Variants in MGAM2 observed in about 807,000 individuals in gnomAD.
MGAM2 encodes probable maltase-glucoamylase 2.
In MGAM2, 98 loss-of-function variants were observed where a neutral mutation model predicts 96.1. That is an observed-to-expected ratio of 1.02 (90% CI 0.87 to 1.21). MGAM2 has a LOEUF of 1.21. MGAM2 is among the 50% of genes most tolerant of loss of function. The probability of loss-of-function intolerance (pLI) is 0.00; values close to 1 mark genes in which losing one functional copy is unlikely to be tolerated. For missense variants in MGAM2, 2,055 were observed against 1,182.4 expected (o/e 1.74, Z -10.82); for synonymous variants, 749 against 414.8 (o/e 1.81, Z -9.79).
At chr7:142,117,117 G>A in intron 2 of MGAM2, 138 bp downstream of exon 2, 1 of 626,118 alleles carries the variant, frequency 1.6e-6, no homozygotes. Flanking sequence ...ATTAGTTTAA[G>A]TTCAACTCCA....
At chr7:142,211,744 T>A (rs28815900) in intron 46 of MGAM2, among the ~76,000 whole-genome samples, 1 of 152,022 alleles carries the variant, frequency 6.6e-6, no homozygotes, top group Non-Finnish European at 1.5e-5. Context: ...ACGAGGAGAA[T>A]GGAACCAAGT....
At chr7:142,145,748 G>C (rs1005673590) in intron 14 of MGAM2, among the ~76,000 whole-genome samples, 1 of 151,256 alleles carries the variant, frequency 6.6e-6, no homozygotes. Context: ...GGCTTCCTGG[G>C]TGAGGGAGAG....
intron 45 of MGAM2, 75 bp downstream of exon 45, chr7:142,200,043 C>T: frequency 1.8e-6 from 1 of 554,768 alleles, no homozygotes; most frequent in Non-Finnish European, 3.2e-6. Flanking sequence ...ATATAACTAA[C>T]ATGAACTGAA....
chr7:142,207,878 A>C (rs1037227293), intron 45 of MGAM2, among the ~76,000 whole-genome samples: 1 of 152,186 alleles, frequency 6.6e-6, no homozygotes, highest in Non-Finnish European at 1.5e-5. Flanking sequence ...ATAGGGAAGA[A>C]TCGATGGAAT....
chr7:142,115,822 C>G (rs942601516), intron 1 of MGAM2, among the ~76,000 whole-genome samples: 1 of 152,002 alleles, frequency 6.6e-6, no homozygotes, highest in Admixed American at 6.6e-5. Flanking sequence ...TCCAGCTGGG[C>G]AACAAGAGTG....
intron 33 of MGAM2, among the ~76,000 whole-genome samples, chr7:142,184,600 A>T (rs1796639896): frequency 6.6e-6 from 1 of 152,240 alleles, no homozygotes; most frequent in African/African-American, 2.4e-5. Flanking sequence ...TGGTAGTTAC[A>T]GCTAAAATTA....
At position 142,196,783 on chromosome 7, in the gene MGAM2, A is replaced by G. The variant is rs1797055354; in HGVS notation, c.4599A>G (p.Pro1533=). Residue 1533 remains proline, a synonymous_variant, in exon 40 of 48, where the codon CCA becomes CCG. Coordinates refer to ENST00000477922, the MANE Select transcript of MGAM2 (RefSeq NM_001293626.2). The part of the protein sequence containing the change: ...VRWMQLGAFY[P]FSRNHNNIGT... ...GGATGCAACTGGGGGCATTTTATCCATTTTCCAGAAACCACAACAACATCG... is the reference window on the plus strand; with the variant it reads ...GGATGCAACTGGGGGCATTTTATCCGTTTTCCAGAAACCACAACAACATCG... 2.6e-6 allele frequency: 2 copies of G among 784,240 alleles called. No homozygotes were observed. The highest frequency in any genetic ancestry group is 1.7e-5 in the African/African-American group (1 of 59,298). 48.6% of individuals were successfully genotyped at this position (784,240 alleles called of 1,614,324 possible).
chr7:142,214,594 G>T (rs547805825), intron 46 of MGAM2, among the ~76,000 whole-genome samples: 2 of 152,238 alleles, frequency 1.3e-5, no homozygotes, highest in South Asian at 4.2e-4. Flanking sequence ...AACTTACAAG[G>T]GATGTGAAGG....
Position 142,132,052 on chromosome 7 carries a change from T to A in MGAM2, c.542T>A (p.Ile181Asn), listed in dbSNP as rs1794905710. 7 of 703,014 alleles carry A rather than the reference T, an allele frequency of 1.0e-5. No homozygotes were observed. Among genetic ancestry groups the A allele is most frequent in the African/African-American group, 1.7e-5 (1 of 57,214 alleles). The allele number at this position is 703,014 out of a possible 1,614,324, so 43.5% of individuals were successfully genotyped here. The change falls in exon 6 of 48, where the codon ATC becomes AAC. Residue 181 changes from isoleucine (I) to asparagine (N), a missense_variant. By Grantham distance (149) the Ile-to-Asn change is moderately radical. Coordinates refer to ENST00000477922, the MANE Select transcript of MGAM2 (RefSeq NM_001293626.2). ...GAGGTTACTGATAAACCTTTCAGCA[T>A]CAAAATAATGAGGACAAGCAACAGA... ...YVEVTDKPFS[I>N]KIMRTSNRRV...
At position 142,131,442 on chromosome 7, in the gene MGAM2, A is replaced by AT. The variant is rs1794885548; in HGVS notation, c.311-76_311-75insT. The AT allele has an allele frequency of 1.9e-5, 13 of 670,036 alleles. No individual in the cohort carries two copies. In the South Asian group the frequency reaches 2.1e-4, roughly 11 times the overall value. The allele number at this position is 670,036 out of a possible 1,614,324, so 41.5% of individuals were successfully genotyped here. On this transcript the variant is annotated intron_variant, in intron 4 of 47. Transcript: ENST00000477922. ...ACAGGGCAAGACTCCATCTCAAAAC[A>AT]AAAACAAAAACAAAACAAAACCAAA... is the stretch of plus-strand genomic sequence containing the variant.
At chr7:142,176,108 A>AAAAAGT (rs1554509686) in intron 32 of MGAM2, among the ~76,000 whole-genome samples, 1 of 114,852 alleles carries the variant, frequency 8.7e-6, no homozygotes. Context: ...AAAAAAAAAA[A>AAAAAGT]GGGGGGGGCA....
intron 2 of MGAM2, among the ~76,000 whole-genome samples, chr7:142,118,142 T>C (rs1197793241): frequency 6.6e-6 from 1 of 152,182 alleles, no homozygotes; most frequent in African/African-American, 2.4e-5. Context: ...ACTGAAATGT[T>C]ATACTGGGGA....
intron 13 of MGAM2, 42 bp downstream of exon 13, chr7:142,143,924 T>C: frequency 1.4e-6 from 1 of 699,442 alleles, no homozygotes; most frequent in Non-Finnish European, 2.6e-6. Flanking sequence ...TGGAAACAGA[T>C]AACGCCAAAT....
chr7:142,171,428 T>A lies in MGAM2; in HGVS notation c.3339T>A (p.Asp1113Glu). ...NWNTWGMFAH[D>E]EPPAYKKNSY... ...ACACATGGGGAATGTTTGCTCATGA[T>A]GAGCCACCTGCGGTAGGGACAAAGG... Residue 1113 changes from aspartate to glutamate, a missense_variant, in exon 28 of 48, where the codon GAT (aspartate) becomes GAA (glutamate). Asp to Glu is a conservative substitution (Grantham distance 45). Transcript: ENST00000477922. The A allele has an allele frequency of 2.8e-6, 2 of 703,088 alleles. No individual in the cohort carries two copies. The highest frequency in any genetic ancestry group is 5.2e-6 in the Non-Finnish European group (2 of 384,868). The allele number at this position is 703,088 out of a possible 1,614,324, so 43.6% of individuals were successfully genotyped here.
Position 142,131,987 on chromosome 7 carries a change from T to G in MGAM2, c.477T>G (p.Val159=). 1.4e-6 allele frequency: 1 copy of G among 703,028 alleles called. No homozygotes were observed. The highest frequency in any genetic ancestry group is 2.6e-6 in the Non-Finnish European group (1 of 385,004). The allele number at this position is 703,028 out of a possible 1,614,324, so 43.5% of individuals were successfully genotyped here. ...YEVSHENINL[V]DGIADASNLS... ...TTTCCCATGAAAATATTAACCTGGT[T>G]GATGGGATTGCTGATGCCTCCAATT... Residue 159 remains valine (V), a synonymous_variant, in exon 6 of 48, where the codon GTT becomes GTG. Coordinates refer to ENST00000477922, the MANE Select transcript of MGAM2 (RefSeq NM_001293626.2).
In MGAM2 at chr7:142,197,433, G is replaced by A. The variant is rs1475314662; in HGVS notation, c.4666G>A (p.Glu1556Lys). The change falls in exon 41 of 48, where the codon GAG becomes AAG. Residue 1556 changes from glutamate (E) to lysine (K), a missense_variant. Coordinates refer to ENST00000477922, the MANE Select transcript of MGAM2 (RefSeq NM_001293626.2). The part of the protein sequence containing the change: ...QDPVAWNSTF[E>K]MLSRKVLETR... ...TCCTGTGGCCTGGAATTCAACCTTTGAGATGTTGTCCAGAAAAGTCCTAGA... is the reference window on the plus strand; with the variant it reads ...TCCTGTGGCCTGGAATTCAACCTTTAAGATGTTGTCCAGAAAAGTCCTAGA... 1 of 702,946 alleles carries A rather than the reference G, an allele frequency of 1.4e-6. No homozygotes were observed. The highest frequency in any genetic ancestry group is 2.6e-6 in the Non-Finnish European group (1 of 385,000). The allele number at this position is 702,946 out of a possible 1,614,324, so 43.5% of individuals were successfully genotyped here. A position where few individuals can be genotyped will look rare whatever the true frequency, so the allele number is the denominator to read the frequency against.
At chr7:142,180,931 T>C (rs934260548) in intron 32 of MGAM2, among the ~76,000 whole-genome samples, 2 of 152,186 alleles carry the variant, frequency 1.3e-5, no homozygotes, top group Non-Finnish European at 2.9e-5. Context: ...TGTGTTATCT[T>C]TCACCTCTTG....
intron 10 of MGAM2, among the ~76,000 whole-genome samples, chr7:142,139,430 C>A (rs192484915): frequency 1.3e-5 from 2 of 151,846 alleles, no homozygotes; most frequent in African/African-American, 4.8e-5. Context: ...GAGGCTGAGG[C>A]GGGCAGATCA....
chr7:142,203,074 A>G (rs756994388), intron 45 of MGAM2, among the ~76,000 whole-genome samples: 8 of 152,186 alleles, frequency 5.3e-5, no homozygotes, highest in African/African-American at 1.9e-4. Flanking sequence ...GGCCATTTAC[A>G]TGTCTTCTTT....
Sources: gnomAD v4.1 joint callset for allele counts (sites outside exome capture counted in the v4.1 genomes callset) on GRCh38, gnomAD v4.1.1 for gene constraint, MANE v1.5 for transcripts, NCBI Gene and HGNC (gene_info 2026-07-23, HGNC 2026-07-21) for gene names.